Variants in MYB observed in about 807,000 individuals in gnomAD.
The protein encoded by MYB is MYB proto-oncogene, transcription factor, also known as transcriptional activator Myb.
Under a neutral mutation model 92.9 loss-of-function variants are expected in MYB, and 28 were observed. The observed-to-expected ratio is 0.30, with a 90% CI of 0.22 to 0.41. MYB has a LOEUF of 0.41. MYB is among the 10% of genes least tolerant of loss of function. The pLI, the probability that MYB is intolerant of heterozygous loss-of-function variation, is 1.00. For synonymous variants in MYB, 295 were observed against 329.1 expected (o/e 0.90, Z 1.12); for missense variants, 679 against 929.3 (o/e 0.73, Z 3.50).
chr6:135,193,730 A>C (rs1776924458), intron 6 of MYB, 108 bp from the exon 7 acceptor site: 3 of 677,266 alleles, frequency 4.4e-6, no homozygotes, highest in Non-Finnish European at 7.7e-6. Flanking sequence ...TTTTATCAGT[A>C]AAGTGTTTTT....
chr6:135,218,761 A>G lies in MYB; in HGVS notation c.*781A>G, dbSNP rs1226396978. ...CTAGTATTTCAGACTTTTTAATTTT[A>G]TATATATATACATTTTTTTTCCTTC... On this transcript the variant is annotated 3_prime_UTR_variant, in exon 16 of 16. Coordinates refer to ENST00000341911, the MANE Select transcript of MYB (RefSeq NM_001130173.2). 1.0e-5 allele frequency: 2 copies of G among 199,824 alleles called. No homozygotes were observed. The highest frequency in any genetic ancestry group is 2.1e-5 in the Non-Finnish European group (2 of 96,766). The allele number at this position is 199,824 out of a possible 1,614,324, so 12.4% of individuals were successfully genotyped here.
intron 15 of MYB, among the ~76,000 whole-genome samples, chr6:135,216,813 A>C (rs1007722834): frequency 2.6e-5 from 4 of 152,178 alleles, no homozygotes; most frequent in African/African-American, 9.7e-5. Context: ...ACATGTTTGC[A>C]TTTGAGGCAA....
intron 13 of MYB, 47 bp downstream of exon 13, chr6:135,200,462 C>T: frequency 1.9e-6 from 3 of 1,611,652 alleles, no homozygotes; most frequent in South Asian, 1.1e-5. Context: ...ATCCTGCCCC[C>T]TTTATTCCTT....
At position 135,196,145 on chromosome 6, in the gene MYB, A is replaced by T. The variant is rs111244233; in HGVS notation, c.1203+143A>T. ...TAGAAGTATGATTTTCATCTTCATG[A>T]ATATGTTTTTTCAAAGATCTGATTT... On this transcript the variant is annotated intron_variant, in intron 9 of 15. Transcript: ENST00000341911. 3.0e-4 allele frequency: 273 copies of T among 900,380 alleles called. 1 individual carries two copies. In the African/African-American group the frequency reaches 4.4e-3, roughly 15 times the overall value. The allele number at this position is 900,380 out of a possible 1,614,324, so 55.8% of individuals were successfully genotyped here.
chr6:135,197,330 C>T lies in MYB; in HGVS notation c.1566+7C>T, dbSNP rs762217059. The stretch of plus-strand genomic sequence containing the variant: ...ACCCTTCTCTCCCTCGCAGGTAGAA[C>T]ACAATTTCTGCACAGCTGTTACTCA... On this transcript the variant is annotated splice_region_variant and intron_variant, in intron 10 of 15. Transcript: ENST00000341911. 1.3e-6 allele frequency: 2 copies of T among 1,590,148 alleles called. No homozygotes were observed. The highest frequency in any genetic ancestry group is 1.7e-6 in the Non-Finnish European group (2 of 1,164,388).
intron 14 of MYB, 47 bp downstream of exon 14, chr6:135,201,796 C>A: frequency 2.5e-6 from 3 of 1,201,840 alleles, no homozygotes; most frequent in Non-Finnish European, 3.4e-6. Context: ...GACACTGGTG[C>A]CTCATGAAAT....
At chr6:135,208,081 A>ATTTT (rs34723585) in intron 15 of MYB, among the ~76,000 whole-genome samples, 2 of 135,550 alleles carry the variant, frequency 1.5e-5, no homozygotes, top group African/African-American at 5.6e-5. Context: ...TTTTTTTTTA[A>ATTTT]TTTTTTTTTT....
intron 3 of MYB, 62 bp from the exon 4 acceptor site, chr6:135,189,729 A>G: frequency 7.1e-7 from 1 of 1,411,614 alleles, no homozygotes. Flanking sequence ...TCCTATTACA[A>G]CAAAAAATTC....
chr6:135,202,892 A>G (rs1004661044), intron 14 of MYB: 4 of 553,988 alleles, frequency 7.2e-6, no homozygotes, highest in African/African-American at 3.7e-5. Flanking sequence ...TTCTCTCCCC[A>G]GAACTTAGTA....
At chr6:135,199,966 A>G (rs1004656934) in intron 11 of MYB, 119 bp from the exon 12 acceptor site, 20 of 772,030 alleles carry the variant, frequency 2.6e-5, no homozygotes, top group Non-Finnish European at 4.3e-5. Flanking sequence ...GCACACCCCA[A>G]TTCCATATCC....
At chr6:135,202,373 T>G (rs1778224861) in intron 14 of MYB, 1 of 154,780 alleles carries the variant, frequency 6.5e-6, no homozygotes, top group African/African-American at 2.4e-5. Flanking sequence ...TTTTATTAAT[T>G]TTTATTTTTT....
rs997333176 is a variant in MYB, at chr6:135,200,195, T to G, written c.1820T>G (p.Met607Arg). 12 of 1,614,026 alleles carry G rather than the reference T, an allele frequency of 7.4e-6. No individual in the cohort carries two copies. Among genetic ancestry groups the G allele is most frequent in the Non-Finnish European group, 1.0e-5 (12 of 1,179,986 alleles). The change falls in exon 12 of 16, where the codon ATG becomes AGG. Residue 607 changes from methionine (M) to arginine (R), a missense_variant. Around this residue, in one of 8 missense-constraint regions of MYB, gnomAD observed 402 missense variants for 434.2 expected, o/e 0.93. Transcript: ENST00000341911. ...AQEIKYGPLK[M>R]LPQTPSHLVE... ...GAAATTAAATACGGTCCCCTGAAGA[T>G]GCTAGTAAGTTCTAGAAAAGTTTTT... is the stretch of plus-strand genomic sequence containing the variant.
intron 13 of MYB, among the ~76,000 whole-genome samples, 188 bp from the exon 14 acceptor site, chr6:135,201,444 GAGCTAGT>G (rs1305813855): frequency 1.3e-5 from 2 of 152,196 alleles, no homozygotes; most frequent in African/African-American, 4.8e-5. Flanking sequence ...AGTAAATTTG[GAGCTAGT>G]CACATTTCAA....
chr6:135,206,225 AAATAATAATAAT>A (rs1269845019), intron 15 of MYB, among the ~76,000 whole-genome samples: 1 of 96,644 alleles, frequency 1.0e-5, no homozygotes, highest in African/African-American at 4.1e-5. Context: ...AAAAAAAAAA[AAATAATAATAAT>A]AATAATAATA....
intron 3 of MYB, among the ~76,000 whole-genome samples, chr6:135,189,126 A>G (rs998738940): frequency 1.3e-5 from 2 of 152,146 alleles, no homozygotes; most frequent in Admixed American, 1.3e-4. Context: ...CCATCCTTCA[A>G]AGTCCTTATG....
At chr6:135,183,006 GTTTTTTTT>G (rs3071602) in intron 1 of MYB, among the ~76,000 whole-genome samples, 1 of 92,440 alleles carries the variant, frequency 1.1e-5, no homozygotes, top group Non-Finnish European at 2.1e-5. Flanking sequence ...GGGGTCATCT[GTTTTTTTT>G]TTTTTTTTTT....
chr6:135,216,209 A>G (rs972256565), intron 15 of MYB, among the ~76,000 whole-genome samples: 1 of 152,158 alleles, frequency 6.6e-6, no homozygotes, highest in East Asian at 1.9e-4. Flanking sequence ...CTTAGTGTCC[A>G]TGGGGGATTT....
At position 135,218,064 on chromosome 6, in the gene MYB, G is replaced by T. The variant is rs1382089296; in HGVS notation, c.*84G>T. 1.2e-5 allele frequency: 13 copies of T among 1,083,412 alleles called. No individual in the cohort carries two copies. In the East Asian group the frequency reaches 3.1e-4, roughly 26 times the overall value. 67.1% of individuals were successfully genotyped at this position (1,083,412 alleles called of 1,614,324 possible). A position where few individuals can be genotyped will look rare whatever the true frequency, so the allele number is the denominator to read the frequency against. On this transcript the variant is annotated 3_prime_UTR_variant, in exon 16 of 16. Transcript: ENST00000341911. ...CATTCCTCAACATGAAACTTTTCATGAATGGGAGAAGAACCTATTTTTGTT... is the reference window on the plus strand; with the variant it reads ...CATTCCTCAACATGAAACTTTTCATTAATGGGAGAAGAACCTATTTTTGTT...
At chr6:135,188,730 A>G (rs189928255) in intron 3 of MYB, among the ~76,000 whole-genome samples, 1 of 152,070 alleles carries the variant, frequency 6.6e-6, no homozygotes, top group East Asian at 1.9e-4. Flanking sequence ...GGCTGGTCCC[A>G]AACTCCTGAC....
Sources: allele counts gnomAD v4.1 joint callset (sites outside exome capture counted in the v4.1 genomes callset), GRCh38; gene constraint gnomAD v4.1.1; regional missense constraint gnomAD v4.1.1; transcripts MANE v1.5; gene names NCBI Gene and HGNC (gene_info 2026-07-23, HGNC 2026-07-21).